Variants in STK39 observed in about 807,000 individuals in gnomAD.
STK39 encodes serine/threonine kinase 39.
A neutral mutation model predicts 77.8 loss-of-function variants in STK39; 20 were observed. The ratio of observed to expected loss-of-function variants is 0.26; its 90% CI spans 0.18 to 0.37. The LOEUF is 0.37. Ranked by LOEUF, STK39 falls within the 10% of genes least tolerant of loss-of-function variation. The pLI is 1.00. For missense variants in STK39, 479 were observed against 656.5 expected, an observed-to-expected ratio of 0.73 and a Z score of 2.95; for synonymous variants, 246 against 234.1, an observed-to-expected ratio of 1.05 and a Z score of -0.47.
intron 16 of STK39, among the ~76,000 whole-genome samples, chr2:167,989,157 G>A (rs1008571743): frequency 2.0e-5 from 3 of 152,154 alleles, no homozygotes; most frequent in African/African-American, 7.2e-5. Flanking sequence ...AGGGCTTTAA[G>A]CTCATTCCCA....
chr2:168,242,350 C>T (rs922556558), intron 1 of STK39, among the ~76,000 whole-genome samples: 1 of 150,202 alleles, frequency 6.7e-6, no homozygotes, highest in East Asian at 2.0e-4. Flanking sequence ...TTACTTCAGA[C>T]CAGGAGTTTG....
At chr2:168,135,129 T>C (rs1311032876) in intron 8 of STK39, among the ~76,000 whole-genome samples, 3 of 140,016 alleles carry the variant, frequency 2.1e-5, no homozygotes, top group Admixed American at 7.2e-5. Context: ...AAAACACTTA[T>C]AAACTTTTGA....
chr2:168,235,229 G>A (rs903471104), intron 1 of STK39, among the ~76,000 whole-genome samples: 2 of 151,800 alleles, frequency 1.3e-5, no homozygotes, highest in African/African-American at 4.8e-5. Context: ...TAGTAGAGAC[G>A]GGGTTTCACC....
rs1038048828 is a variant in STK39, at chr2:168,036,434, A to T, written c.1377-19339T>A. Among the ~76,000 whole-genome samples, 4 of 149,116 alleles carry T rather than the reference A, an allele frequency of 2.7e-5. No individual in the cohort carries two copies. In the South Asian group the frequency reaches 8.6e-4, roughly 32 times the overall value. On this transcript the variant is annotated intron_variant, in intron 14 of 17. Coordinates refer to ENST00000355999, the MANE Select transcript of STK39 (RefSeq NM_013233.3). ...CTGACTGCTGCCTGGCATCACATAA[A>T]CCTAATTTATCTTCATTCTGGCTCT... is the stretch of plus-strand genomic sequence containing the variant.
intron 3 of STK39, 141 bp from the exon 4 acceptor site, chr2:168,164,021 T>C (rs1029529825): frequency 1.8e-5 from 23 of 1,282,108 alleles, no homozygotes; most frequent in Non-Finnish European, 2.2e-5. Context: ...AAACAAACAA[T>C]TGAATGGGGG....
chr2:168,195,046 G>GA (rs1352959845), intron 1 of STK39, among the ~76,000 whole-genome samples: 1 of 152,152 alleles, frequency 6.6e-6, no homozygotes, highest in African/African-American at 2.4e-5. Flanking sequence ...TGATTAGATT[G>GA]ATAAGTACTT....
rs1574479028 is a variant in STK39, at chr2:168,118,099, C to T, written c.1089+11442G>A. On this transcript the variant is annotated intron_variant, in intron 10 of 17. Transcript: ENST00000355999. Reference sequence around the variant, plus strand: ...AAAGGCCACCTACCGTAGGGAAGGTCAGCACCTAGTAGGTTACCAGGATGC... The same window carrying T: ...AAAGGCCACCTACCGTAGGGAAGGTTAGCACCTAGTAGGTTACCAGGATGC... Among the ~76,000 whole-genome samples the T allele has an allele frequency of 2.0e-5, 3 of 152,154 alleles. No homozygotes were observed. The East Asian group carries it at 5.8e-4, about 29-fold the overall frequency.
At chr2:168,131,436 A>C (rs1687694524) in intron 8 of STK39, among the ~76,000 whole-genome samples, 1 of 152,156 alleles carries the variant, frequency 6.6e-6, no homozygotes, top group South Asian at 2.1e-4. Flanking sequence ...ACAAAATTGG[A>C]AACTGCTGCT....
rs1365619311 is a variant in STK39 at position 168,247,214 on chromosome 2, C to G, written c.208+14G>C. 3 of 1,201,422 alleles carry G rather than the reference C, an allele frequency of 2.5e-6. No individual in the cohort carries two copies. The highest frequency in any genetic ancestry group is 3.1e-6 in the Non-Finnish European group (3 of 963,418). 74.4% of individuals were successfully genotyped at this position (1,201,422 alleles called of 1,614,324 possible). On this transcript the variant is annotated intron_variant, in intron 1 of 17. Transcript: ENST00000355999. The stretch of plus-strand genomic sequence containing the variant: ...CCCGGCCTGTGCCGGCCCCGCCGCG[C>G]CCGCCGCACTGACCGATAACCTCCT...
intron 16 of STK39, among the ~76,000 whole-genome samples, chr2:168,007,115 A>G (rs1354992019): frequency 3.9e-5 from 6 of 152,234 alleles, no homozygotes; most frequent in Non-Finnish European, 7.3e-5. Flanking sequence ...CAGATTTTTA[A>G]TCTATTTAAA....
intron 1 of STK39, among the ~76,000 whole-genome samples, chr2:168,236,940 G>A (rs1261945116): frequency 6.6e-6 from 1 of 152,022 alleles, no homozygotes; most frequent in Non-Finnish European, 1.5e-5. Context: ...GGGCTTTTTG[G>A]TTCCATATGA....
chr2:167,971,211 T>C (rs1216761241), intron 16 of STK39, among the ~76,000 whole-genome samples: 1 of 152,192 alleles, frequency 6.6e-6, no homozygotes, highest in Non-Finnish European at 1.5e-5. Flanking sequence ...TTGAGTTCTC[T>C]GAGTTTCTTT....
chr2:168,017,377 ATTTTT>A (rs386391743), intron 14 of STK39, among the ~76,000 whole-genome samples: 4 of 93,590 alleles, frequency 4.3e-5, no homozygotes, highest in Non-Finnish European at 6.0e-5. Context: ...GGAAACCTTA[ATTTTT>A]TTTTTTTTTT....
intron 1 of STK39, among the ~76,000 whole-genome samples, chr2:168,237,447 GC>G (rs1690649746): frequency 6.6e-6 from 1 of 152,126 alleles, no homozygotes; most frequent in African/African-American, 2.4e-5. Context: ...TCCTTCTCCT[GC>G]CTGATTGCCC....
At chr2:167,958,439 C>T (rs1691845321) in intron 17 of STK39, among the ~76,000 whole-genome samples, 1 of 152,106 alleles carries the variant, frequency 6.6e-6, no homozygotes, top group South Asian at 2.1e-4. Context: ...AAACTCATTA[C>T]ATACAAACAT....
At chr2:168,039,822 A>G (rs182354554) in intron 14 of STK39, among the ~76,000 whole-genome samples, 6 of 152,358 alleles carry the variant, frequency 3.9e-5, no homozygotes, top group African/African-American at 1.4e-4. Flanking sequence ...TACTGCAATT[A>G]AGTTTATTTT....
intron 2 of STK39, among the ~76,000 whole-genome samples, chr2:168,180,916 G>T (rs934733440): frequency 2.0e-5 from 3 of 152,220 alleles, no homozygotes; most frequent in African/African-American, 7.2e-5. Context: ...AATTTAAAAT[G>T]TAAGGCCAAA....
At chr2:168,242,564 T>A (rs1455213728) in intron 1 of STK39, among the ~76,000 whole-genome samples, 5,825 of 21,510 alleles carry the variant, frequency 0.27, 1,205 homozygotes, top group Middle Eastern at 0.37. Context: ...AAAAAAAATA[T>A]ATATATATAT....
At chr2:168,228,232 T>G (rs1690358255) in intron 1 of STK39, among the ~76,000 whole-genome samples, 1 of 152,188 alleles carries the variant, frequency 6.6e-6, no homozygotes, top group Non-Finnish European at 1.5e-5. Context: ...GCCAAGCAAG[T>G]ATTAATCTAA....
Sources: allele counts gnomAD v4.1 joint callset (sites outside exome capture counted in the v4.1 genomes callset), GRCh38; gene constraint gnomAD v4.1.1; transcripts MANE v1.5; gene names NCBI Gene and HGNC (gene_info 2026-07-23, HGNC 2026-07-21).